Variants in STS observed in about 807,000 individuals in gnomAD.
STS encodes steroid sulfatase, also known as steryl-sulfatase.
STS carries 7 observed loss-of-function variants against 26.8 expected under a neutral mutation model. The ratio of observed to expected loss-of-function variants is 0.26; its 90% CI spans 0.15 to 0.49. The LOEUF (loss-of-function observed/expected upper bound fraction) is 0.49, where lower values mean the gene tolerates loss of function less well. STS is among the 20% of genes least tolerant of loss of function. The pLI, the probability that STS is intolerant of heterozygous loss-of-function variation, is 0.98. For synonymous variants in STS, 199 were observed against 189.4 expected, an observed-to-expected ratio of 1.05 and a Z score of -0.42; for missense variants, 434 against 465.6, an observed-to-expected ratio of 0.93 and a Z score of 0.63.
intron 1 of STS, among the ~76,000 whole-genome samples, chrX:7,180,283 G>A (rs982403457): frequency 2.7e-5 from 3 of 111,753 alleles, no homozygotes; most frequent in Non-Finnish European, 5.6e-5. Flanking sequence ...GGGGTGATGG[G>A]AGACAGTGAT....
chrX:7,279,645 G>A (rs1157099390), intron 7 of STS, among the ~76,000 whole-genome samples: 3 of 109,226 alleles, frequency 2.7e-5, no homozygotes, highest in African/African-American at 6.7e-5. Context: ...CTTCTTTTCT[G>A]CAACAGACAA....
At chrX:7,288,829 A>G (rs1470526197) in intron 7 of STS, among the ~76,000 whole-genome samples, 1 of 111,243 alleles carries the variant, frequency 9.0e-6, no homozygotes, top group African/African-American at 3.3e-5. Context: ...GGTGGTAGGA[A>G]TCCAGTTAGG....
intron 10 of STS, 52 bp downstream of exon 10, chrX:7,334,159 T>C (rs895761652): frequency 3.9e-5 from 47 of 1,206,706 alleles, no homozygotes; most frequent in Non-Finnish European, 5.0e-5. Flanking sequence ...ACCTATGCCA[T>C]GGGAATAGAT....
intron 2 of STS, among the ~76,000 whole-genome samples, chrX:7,200,286 C>T (rs1357010846): frequency 4.5e-5 from 5 of 111,173 alleles, no homozygotes; most frequent in African/African-American, 1.6e-4. Context: ...GGGGAAGATT[C>T]AATAACTATG....
intron 6 of STS, among the ~76,000 whole-genome samples, chrX:7,271,131 A>T (rs1302184758): frequency 7.7e-4 from 84 of 109,044 alleles, no homozygotes; most frequent in African/African-American, 2.8e-3. Flanking sequence ...AAATTCTGTC[A>T]CTCACATCCT....
At chrX:7,272,954 C>G (rs185826103) in intron 6 of STS, among the ~76,000 whole-genome samples, 207 of 111,521 alleles carry the variant, frequency 1.9e-3, no homozygotes, top group Non-Finnish European at 3.4e-3. Flanking sequence ...TCAGACCAGC[C>G]AGGCCAACAT....
chrX:7,229,465 A>C (rs973890783), intron 2 of STS, among the ~76,000 whole-genome samples: 5 of 111,611 alleles, frequency 4.5e-5, no homozygotes, highest in African/African-American at 1.3e-4. Context: ...GGATTTGGTC[A>C]TTCCAAATTC....
chrX:7,210,157 G>C (rs765886155), intron 2 of STS, among the ~76,000 whole-genome samples: 23 of 111,083 alleles, frequency 2.1e-4, no homozygotes, highest in Non-Finnish European at 4.0e-4. Flanking sequence ...GGATTACTGG[G>C]TCAAATCGCA....
intron 2 of STS, among the ~76,000 whole-genome samples, chrX:7,226,095 C>T (rs770801040): frequency 2.7e-5 from 3 of 112,231 alleles, no homozygotes; most frequent in Non-Finnish European, 5.6e-5. Flanking sequence ...CTGTCCCAAA[C>T]AAAATATATA....
chrX:7,274,694 A>C (rs1234254112), intron 6 of STS, among the ~76,000 whole-genome samples: 1 of 112,071 alleles, frequency 8.9e-6, no homozygotes, highest in Non-Finnish European at 1.9e-5. Flanking sequence ...TGTGCATTCT[A>C]ATCAATTCAA....
intron 2 of STS, among the ~76,000 whole-genome samples, chrX:7,232,964 T>G (rs1158585550): frequency 9.0e-6 from 1 of 111,047 alleles, no homozygotes. Flanking sequence ...GCAAAGAAGG[T>G]CTCTCCTTCG....
chrX:7,287,347 C>T (rs968335043), intron 7 of STS, among the ~76,000 whole-genome samples: 1 of 111,258 alleles, frequency 9.0e-6, no homozygotes, highest in African/African-American at 3.3e-5. Context: ...GTATGCAAAA[C>T]CGAAGAATAT....
At chrX:7,318,398 T>G (rs1465560224) in intron 8 of STS, among the ~76,000 whole-genome samples, 1 of 111,504 alleles carries the variant, frequency 9.0e-6, no homozygotes, top group African/African-American at 3.3e-5. Flanking sequence ...GCAAGGGCAC[T>G]TGCTCATCAA....
At chrX:7,186,306 A>C (rs1203624716) in intron 1 of STS, among the ~76,000 whole-genome samples, 2 of 112,403 alleles carry the variant, frequency 1.8e-5, no homozygotes, top group Non-Finnish European at 3.8e-5. Context: ...TAGGAAAAGG[A>C]GTTAATGAAC....
At chrX:7,323,802 C>T (rs757077017) in intron 8 of STS, among the ~76,000 whole-genome samples, 1 of 111,619 alleles carries the variant, frequency 9.0e-6, no homozygotes, top group African/African-American at 3.3e-5. Flanking sequence ...AGGGGAGAAT[C>T]TTATTCCTTG....
intron 2 of STS, among the ~76,000 whole-genome samples, chrX:7,231,239 A>G (rs1191718468): frequency 8.9e-6 from 1 of 112,085 alleles, no homozygotes; most frequent in Non-Finnish European, 1.9e-5. Flanking sequence ...TTTAGGGGTG[A>G]TGAAAATGTT....
chrX:7,285,120 A>T (rs1925068460), intron 7 of STS, among the ~76,000 whole-genome samples: 2 of 111,059 alleles, frequency 1.8e-5, no homozygotes, highest in Admixed American at 1.9e-4. Context: ...AAGCAGGGGG[A>T]CGTTGTGATG....
At chrX:7,328,262 G>T (rs1490504013) in intron 9 of STS, among the ~76,000 whole-genome samples, 2 of 111,762 alleles carry the variant, frequency 1.8e-5, no homozygotes, top group Non-Finnish European at 3.8e-5. Flanking sequence ...TCTTGGAATG[G>T]TTTTCTACCC....
rs1057118758 is a variant in STS, at chrX:7,237,648, T to C, written c.-4-15548T>C. ...AAAGCATTATTACTGAGTGTGTCTG[T>C]GAGGGTGTTTGTGGAAGAGATTAGC... is the stretch of plus-strand genomic sequence containing the variant. On this transcript the variant is annotated intron_variant, in intron 2 of 10. Transcript: ENST00000674429. Among the ~76,000 whole-genome samples, 3 of 111,960 alleles carry C rather than the reference T, an allele frequency of 2.7e-5. No individual in the cohort carries two copies. The Admixed American group carries it at 2.8e-4, about 11-fold the overall frequency.
Sources: gnomAD v4.1 joint callset for allele counts (sites outside exome capture counted in the v4.1 genomes callset) on GRCh38, gnomAD v4.1.1 for gene constraint, MANE v1.5 for transcripts, NCBI Gene and HGNC (gene_info 2026-07-23, HGNC 2026-07-21) for gene names.